TMPRSS4: variants seen among roughly 807,000 people sequenced by gnomAD.
The protein encoded by TMPRSS4 is transmembrane protease serine 4.
In TMPRSS4, 45 loss-of-function variants were observed where a neutral mutation model predicts 56.4. That is an observed-to-expected ratio of 0.80 (90% confidence interval 0.63 to 1.02). The LOEUF is 1.02. Among genes scored for constraint, TMPRSS4 ranks in the 50% least tolerant of loss-of-function variants. The pLI is 0.00. For missense variants in TMPRSS4, 546 were observed against 556.7 expected, an observed-to-expected ratio of 0.98 and a Z score of 0.19; for synonymous variants, 205 against 211.0, an observed-to-expected ratio of 0.97 and a Z score of 0.25.
At chr11:118,108,411 A>G (rs1004726461) in intron 6 of TMPRSS4, 8 of 170,182 alleles carry the variant, frequency 4.7e-5, no homozygotes, top group African/African-American at 1.7e-4. Context: ...CTGGCTTCCT[A>G]GCATTCAGGG....
At chr11:118,111,608 G>C (rs1164241157) in intron 7 of TMPRSS4, 133 bp from the exon 8 acceptor site, 1 of 612,350 alleles carries the variant, frequency 1.6e-6, no homozygotes, top group African/African-American at 1.9e-5. Context: ...ATCTCATATT[G>C]GGCTGGTCCT....
chr11:118,103,988 C>T (rs111248009), intron 4 of TMPRSS4, among the ~76,000 whole-genome samples: 1,734 of 152,274 alleles, frequency 0.011, 29 homozygotes, highest in African/African-American at 0.04. Flanking sequence ...TGCTATGTGA[C>T]AGGACTGAGC....
chr11:118,122,952 G>A (rs906228494), downstream of TMPRSS4, among the ~76,000 whole-genome samples: 11 of 152,090 alleles, frequency 7.2e-5, no homozygotes, highest in Admixed American at 7.2e-4. Context: ...TCTGCCATGT[G>A]AGGACATAGC....
At position 118,107,709 on chromosome 11, in the gene TMPRSS4, C is replaced by T. The variant is rs542351881; in HGVS notation, c.441-65C>T. The T allele has an allele frequency of 1.2e-5, 17 of 1,417,000 alleles. No homozygotes were observed. The South Asian group carries it at 1.5e-4, about 12-fold the overall frequency. The allele number at this position is 1,417,000 out of a possible 1,614,324, so 87.8% of individuals were successfully genotyped here. A position where few individuals can be genotyped will look rare whatever the true frequency, so the allele number is the denominator to read the frequency against. ...TCTTTCTCCTGAAAGTGGGGGCCAA[C>T]TCTACCATCTTGTTCTAACCCCCTG... is the stretch of plus-strand genomic sequence containing the variant. On this transcript the variant is annotated intron_variant, in intron 5 of 12. Coordinates refer to ENST00000437212, the MANE Select transcript of TMPRSS4 (RefSeq NM_019894.4).
At position 118,104,734 on chromosome 11, in the gene TMPRSS4, G is replaced by A. The variant is rs145094243; in HGVS notation, c.354G>A (p.Ser118=). 340 of 1,614,138 alleles carry A rather than the reference G, an allele frequency of 2.1e-4. No homozygotes were observed. In the African/African-American group the frequency reaches 2.5e-3, roughly 12 times the overall value. Residue 118 remains serine (S), a synonymous_variant, in exon 5 of 13, where the codon TCG becomes TCA. Coordinates refer to ENST00000437212, the MANE Select transcript of TMPRSS4 (RefSeq NM_019894.4). ...KDRSTLQVLD[S]ATGNWFSACF... Reference sequence around the variant, plus strand: ...GATCCACACTGCAGGTGCTGGACTCGGCCACAGGGAACTGGTTCTCTGCCT... The same window carrying A: ...GATCCACACTGCAGGTGCTGGACTCAGCCACAGGGAACTGGTTCTCTGCCT...
chr11:118,119,938 T>G lies in TMPRSS4; in HGVS notation c.*2025T>G, dbSNP rs983621630. On this transcript the variant is annotated 3_prime_UTR_variant, in exon 13 of 13. Transcript: ENST00000437212. ...AGTGGTGTTATGTACATTCACACTA[T>G]TGTGCAGTCATCACCACCATCCATC... is the stretch of plus-strand genomic sequence containing the variant. 6.6e-6 allele frequency: 1 copy of G among 152,234 alleles called. No individual in the cohort carries two copies. Among genetic ancestry groups the G allele is most frequent in the Admixed American group, 6.5e-5 (1 of 15,282 alleles). 9.4% of individuals were successfully genotyped at this position (152,234 alleles called of 1,614,324 possible). A position where few individuals can be genotyped will look rare whatever the true frequency, so the allele number is the denominator to read the frequency against.
chr11:118,109,790 C>A (rs1329825296), intron 7 of TMPRSS4, among the ~76,000 whole-genome samples: 1 of 152,208 alleles, frequency 6.6e-6, no homozygotes, highest in Non-Finnish European at 1.5e-5. Context: ...TATATGCTTT[C>A]CTGCAGGATG....
At chr11:118,092,614 T>C (rs1217733382) in intron 1 of TMPRSS4, among the ~76,000 whole-genome samples, 1 of 152,238 alleles carries the variant, frequency 6.6e-6, no homozygotes, top group East Asian at 1.9e-4. Context: ...GCATGACTCC[T>C]AAACCATAAT....
intron 1 of TMPRSS4, among the ~76,000 whole-genome samples, chr11:118,093,034 G>A (rs1456520955): frequency 6.6e-6 from 1 of 152,198 alleles, no homozygotes; most frequent in East Asian, 1.9e-4. Flanking sequence ...TAGGAGGCCG[G>A]TCTTGTATTC....
chr11:118,080,916 C>A (rs1463299819), intron 1 of TMPRSS4, among the ~76,000 whole-genome samples: 1 of 152,196 alleles, frequency 6.6e-6, no homozygotes, highest in African/African-American at 2.4e-5. Flanking sequence ...AGTTCCCAAG[C>A]AAGGATTCCC....
intron 1 of TMPRSS4, among the ~76,000 whole-genome samples, chr11:118,092,476 G>C (rs1946036294): frequency 6.6e-6 from 1 of 152,258 alleles, no homozygotes; most frequent in African/African-American, 2.4e-5. Context: ...GGGGCCGCCA[G>C]ATCAGATGAG....
At chr11:118,097,608 C>A (rs1024600398) in intron 2 of TMPRSS4, among the ~76,000 whole-genome samples, 3 of 152,152 alleles carry the variant, frequency 2.0e-5, no homozygotes, top group African/African-American at 7.2e-5. Flanking sequence ...ATTAACTTTG[C>A]CTATGTTTTC....
intron 1 of TMPRSS4, among the ~76,000 whole-genome samples, chr11:118,078,714 G>C (rs913313903): frequency 1.6e-4 from 24 of 152,268 alleles, no homozygotes; most frequent in Middle Eastern, 3.4e-3. Context: ...GGGAGCAACA[G>C]AGAAGGGAAT....
In TMPRSS4 at chr11:118,092,043, A is replaced by C. The variant is rs542601629; in HGVS notation, c.4-2773A>C. ...CAAGGGTACAAAGGCAATGAGAAAG[A>C]GTGGCTAATTAAAAATAAAATGTTA... On this transcript the variant is annotated intron_variant, in intron 1 of 12. Transcript: ENST00000437212. Among the ~76,000 whole-genome samples, 67 of 152,340 alleles carry C rather than the reference A, an allele frequency of 4.4e-4. 1 individual carries two copies. The South Asian group carries it at 0.013, about 29-fold the overall frequency.
chr11:118,089,748 C>A (rs970113950), intron 1 of TMPRSS4, among the ~76,000 whole-genome samples: 19 of 152,330 alleles, frequency 1.2e-4, no homozygotes, highest in African/African-American at 4.6e-4. Flanking sequence ...TCTTCCCAAA[C>A]CCCATATTCA....
intron 1 of TMPRSS4, among the ~76,000 whole-genome samples, chr11:118,078,458 C>A (rs1465803978): frequency 6.6e-6 from 1 of 152,222 alleles, no homozygotes; most frequent in African/African-American, 2.4e-5. Flanking sequence ...TCTGAAAATT[C>A]TGGCAAGAAC....
rs367991985 is a variant in TMPRSS4, at chr11:118,091,190, T to C, written c.4-3626T>C. Reference sequence around the variant, plus strand: ...ACACCCAATCCATCGGCGAGGCCTATTGTTTGTATCTTCCAAACACATTTG... The same window carrying C: ...ACACCCAATCCATCGGCGAGGCCTACTGTTTGTATCTTCCAAACACATTTG... On this transcript the variant is annotated intron_variant, in intron 1 of 12. Coordinates refer to ENST00000437212, the MANE Select transcript of TMPRSS4 (RefSeq NM_019894.4). Among the ~76,000 whole-genome samples, 330 of 152,304 alleles carry C rather than the reference T, an allele frequency of 2.2e-3. 1 individual carries two copies. Among genetic ancestry groups the C allele is most frequent in the African/African-American group, 7.4e-3 (307 of 41,554 alleles).
At chr11:118,112,297 A>G in intron 8 of TMPRSS4, among the ~76,000 whole-genome samples, 1 of 152,060 alleles carries the variant, frequency 6.6e-6, no homozygotes, top group Non-Finnish European at 1.5e-5. Flanking sequence ...AACTTTAAAA[A>G]AATTAAAGAG....
chr11:118,114,601 G>A (rs1489123159), intron 9 of TMPRSS4, among the ~76,000 whole-genome samples: 1 of 152,162 alleles, frequency 6.6e-6, no homozygotes, highest in Admixed American at 6.5e-5. Flanking sequence ...TATTGGCTTG[G>A]TGTCTGAGAG....
Sources: allele counts gnomAD v4.1 joint callset (sites outside exome capture counted in the v4.1 genomes callset), GRCh38; gene constraint gnomAD v4.1.1; transcripts MANE v1.5; gene names NCBI Gene and HGNC (gene_info 2026-07-23, HGNC 2026-07-21).